Variants in ETFA observed in about 807,000 individuals in gnomAD.
ETFA encodes electron transfer flavoprotein subunit alpha, mitochondrial.
Under a neutral mutation model 46.2 loss-of-function variants are expected in ETFA, and 22 were observed. That is an observed-to-expected ratio of 0.48 (90% CI 0.34 to 0.68). The LOEUF (loss-of-function observed/expected upper bound fraction) is 0.68. ETFA is among the 30% of genes least tolerant of loss of function. ETFA has a pLI of 0.01. For missense variants in ETFA, 345 were observed against 401.1 expected (o/e 0.86, Z 1.19); for synonymous variants, 131 against 139.9 (o/e 0.94, Z 0.45).
In ETFA at chr15:76,295,936, C is replaced by CCTTTTTTTTTTTTT. The variant is rs2039816100; in HGVS notation, c.40-200_40-199insAAAAAAAAAAAAAG. Among the ~76,000 whole-genome samples, 14 of 46,602 alleles carry CCTTTTTTTTTTTTT rather than the reference C, an allele frequency of 3.0e-4. 1 individual carries two copies. The highest frequency in any genetic ancestry group is 9.4e-4 in the African/African-American group (14 of 14,868). 30.6% of individuals were successfully genotyped at this position (46,602 alleles called of 152,430 possible). ...TGTCTATCACTGTACCACTAATATT[C>CCTTTTTTTTTTTTT]TTTTTTTTTTTTTTTTTTTTTTTGA... On this transcript the variant is annotated intron_variant, in intron 1 of 11. Transcript: ENST00000557943.
At chr15:76,257,511 G>A (rs1472693803) in intron 9 of ETFA, among the ~76,000 whole-genome samples, 1 of 152,132 alleles carries the variant, frequency 6.6e-6, no homozygotes, top group Non-Finnish European at 1.5e-5. Context: ...TAAAAAGTCA[G>A]GAAACAACAG....
At chr15:76,232,882 G>A (rs77358466) in intron 9 of ETFA, among the ~76,000 whole-genome samples, 3,633 of 152,230 alleles carry the variant, frequency 0.024, 143 homozygotes, top group African/African-American at 0.084. Context: ...GCCTGAATCT[G>A]ACAACTGTCT....
At chr15:76,228,786 G>A (rs1042323205) in intron 10 of ETFA, 28 of 118,720 alleles carry the variant, frequency 2.4e-4, no homozygotes, top group Non-Finnish European at 8.1e-5. Flanking sequence ...ATGGAGTCTC[G>A]TTCTGTCACC....
chr15:76,216,560 C>A lies in ETFA; in HGVS notation c.1001G>T (p.Ter334LeuextTer6), dbSNP rs201424632. Reference sequence around the variant, plus strand: ...TTCTTTTTAAGGCATGATCCTGATTCATTTTTTCTTCAATATCTCAGTCAT... The same window carrying A: ...TTCTTTTTAAGGCATGATCCTGATTAATTTTTTCTTCAATATCTCAGTCAT... ...PEMTEILKKK[*>L] Residue 334 changes from the stop codon to leucine, a stop_lost, in exon 12 of 12, where the codon TGA becomes TTA. Transcript: ENST00000557943. 16 of 1,573,766 alleles carry A rather than the reference C, an allele frequency of 1.0e-5. No homozygotes were observed. Among genetic ancestry groups the A allele is most frequent in the Non-Finnish European group, 1.3e-5 (15 of 1,143,414 alleles).
At chr15:76,310,299 T>C (rs1367333968) in intron 1 of ETFA, among the ~76,000 whole-genome samples, 5 of 137,688 alleles carry the variant, frequency 3.6e-5, no homozygotes, top group Admixed American at 1.6e-4. Flanking sequence ...TCTACAGACA[T>C]CTAGAAAGAG....
intron 1 of ETFA, among the ~76,000 whole-genome samples, chr15:76,309,225 G>A (rs1484003222): frequency 1.3e-5 from 2 of 152,164 alleles, no homozygotes; most frequent in African/African-American, 2.4e-5. Flanking sequence ...CAAGGCGGGC[G>A]GATCATGAGG....
chr15:76,287,063 C>A (rs2039710976), intron 5 of ETFA, among the ~76,000 whole-genome samples: 1 of 152,194 alleles, frequency 6.6e-6, no homozygotes, highest in South Asian at 2.1e-4. Flanking sequence ...CTGGAATACA[C>A]AACTTTAATC....
At chr15:76,250,920 T>A (rs1015262207) in intron 9 of ETFA, among the ~76,000 whole-genome samples, 1 of 152,104 alleles carries the variant, frequency 6.6e-6, no homozygotes, top group African/African-American at 2.4e-5. Flanking sequence ...TACTGTAATA[T>A]TGTTTCTTAA....
At chr15:76,306,804 AAC>A (rs991846719) in intron 1 of ETFA, among the ~76,000 whole-genome samples, 1 of 152,206 alleles carries the variant, frequency 6.6e-6, no homozygotes, top group Non-Finnish European at 1.5e-5. Flanking sequence ...TAATACTAAA[AAC>A]ACAGTCAATT....
chr15:76,258,135 C>A (rs565014022), intron 9 of ETFA, among the ~76,000 whole-genome samples: 1 of 151,802 alleles, frequency 6.6e-6, no homozygotes, highest in East Asian at 1.9e-4. Flanking sequence ...CTAAATTGCA[C>A]ATTGTGCACA....
intron 4 of ETFA, among the ~76,000 whole-genome samples, chr15:76,291,439 C>G (rs2039760581): frequency 9.6e-6 from 1 of 104,618 alleles, no homozygotes; most frequent in African/African-American, 3.9e-5. Flanking sequence ...AAGTAAGACT[C>G]CATCTCGAAA....
At chr15:76,270,794 A>G (rs2039521634) in intron 9 of ETFA, among the ~76,000 whole-genome samples, 1 of 152,232 alleles carries the variant, frequency 6.6e-6, no homozygotes, top group African/African-American at 2.4e-5. Flanking sequence ...TCGTACATCA[A>G]TAATAATGAC....
At chr15:76,281,897 CTTTTTTTTTTT>C (rs34309169) in intron 8 of ETFA, among the ~76,000 whole-genome samples, 1 of 78,102 alleles carries the variant, frequency 1.3e-5, no homozygotes, top group Non-Finnish European at 2.3e-5. Flanking sequence ...TACACGTATC[CTTTTTTTTTTT>C]TTTTTTTTTT....
Position 76,279,722 on chromosome 15 carries a change from C to A in ETFA, c.733+4035G>T, listed in dbSNP as rs181117944. On this transcript the variant is annotated intron_variant, in intron 8 of 11. Transcript: ENST00000557943. ...TCCTTGACCTGTTAGCAGTGTGTGTCATAGTTGATCAATTTTTTCCCCCCT... is the reference window on the plus strand; with the variant it reads ...TCCTTGACCTGTTAGCAGTGTGTGTAATAGTTGATCAATTTTTTCCCCCCT... Among the ~76,000 whole-genome samples the A allele has an allele frequency of 1.5e-4, 23 of 152,240 alleles. No individual in the cohort carries two copies. In the East Asian group the frequency reaches 2.3e-3, roughly 15 times the overall value.
chr15:76,295,531 T>A, intron 2 of ETFA, 60 bp downstream of exon 2: 1 of 1,441,234 alleles, frequency 6.9e-7, no homozygotes, highest in South Asian at 1.1e-5. Flanking sequence ...TCTGTTGCCA[T>A]CTTTTCCTGT....
intron 1 of ETFA, among the ~76,000 whole-genome samples, chr15:76,306,467 T>C (rs2039941780): frequency 6.6e-6 from 1 of 151,856 alleles, no homozygotes. Flanking sequence ...GGTTTCACCA[T>C]GTTGGTCAGG....
intron 9 of ETFA, among the ~76,000 whole-genome samples, chr15:76,254,861 GC>G (rs1186870225): frequency 3.3e-5 from 5 of 152,070 alleles, no homozygotes; most frequent in African/African-American, 4.8e-5. Context: ...AGTTAAAACT[GC>G]TATAATTTCT....
intron 8 of ETFA, among the ~76,000 whole-genome samples, chr15:76,283,368 G>A (rs6495199): frequency 0.014 from 2,137 of 151,954 alleles, 54 homozygotes; most frequent in African/African-American, 0.047. Context: ...ATTTTTAAAC[G>A]TTTTGTAGAG....
rs115870965 is a variant in ETFA at position 76,248,019 on chromosome 15, C to A, written c.817-16621G>T. On this transcript the variant is annotated intron_variant, in intron 9 of 11. Transcript: ENST00000557943. ...GTCTACATCTGGATAATGAGTTATA[C>A]CTACATTTCCGATCAATATTTCAAC... 3.9e-3 allele frequency among the ~76,000 whole-genome samples: 587 copies of A among 152,230 alleles called. 3 individuals carry two copies. Among genetic ancestry groups the A allele is most frequent in the African/African-American group, 0.013 (555 of 41,540 alleles).
Sources: allele counts gnomAD v4.1 joint callset (sites outside exome capture counted in the v4.1 genomes callset), GRCh38; gene constraint gnomAD v4.1.1; transcripts MANE v1.5; gene names NCBI Gene and HGNC (gene_info 2026-07-23, HGNC 2026-07-21).